The following BRIP1 variants were observed in gnomAD, a reference collection of about 807,000 sequenced individuals.
BRIP1 encodes Fanconi anemia group J protein.
Under a neutral mutation model 119.7 loss-of-function variants are expected in BRIP1, and 88 were observed. The ratio of observed to expected loss-of-function variants is 0.74; its 90% CI spans 0.62 to 0.88. BRIP1 has a LOEUF of 0.88. BRIP1 is among the 40% of genes least tolerant of loss of function. The pLI is 0.00. For missense variants in BRIP1, 1,259 were observed against 1,455.4 expected (o/e 0.87, Z 2.20); for synonymous variants, 443 against 496.5 (o/e 0.89, Z 1.43).
Position 61,841,356 on chromosome 17 carries a change from C to CAA in BRIP1, c.627+5743_627+5744dup, listed in dbSNP as rs539506761. Among the ~76,000 whole-genome samples, 1 of 131,172 alleles carries CAA rather than the reference C, an allele frequency of 7.6e-6. No homozygotes were observed. Among genetic ancestry groups the CAA allele is most frequent in the Non-Finnish European group, 1.7e-5 (1 of 60,288 alleles). 86.1% of individuals were successfully genotyped at this position (131,172 alleles called of 152,430 possible). A position where few individuals can be genotyped will look rare whatever the true frequency, so the allele number is the denominator to read the frequency against. On this transcript the variant is annotated intron_variant, in intron 6 of 19. Coordinates refer to ENST00000259008, the MANE Select transcript of BRIP1 (RefSeq NM_032043.3). This position sits in a 1 kb window ranked among gnomAD's most constrained non-coding sequence, Gnocchi z 4.1. ...CCAGAATATACAAGGAACTCAACAGCAAAAAAAAAAAAATCTGATTTTAAA... is the reference window on the plus strand; with the variant it reads ...CCAGAATATACAAGGAACTCAACAGCAAAAAAAAAAAAAAATCTGATTTTAAA...
At position 61,681,750 on chromosome 17, in the gene BRIP1, G is replaced by A. The variant is rs1316545132; in HGVS notation, c.*1546C>T. 5.1e-6 allele frequency: 1 copy of A among 196,814 alleles called. No individual in the cohort carries two copies. Among genetic ancestry groups the A allele is most frequent in the Non-Finnish European group, 1.1e-5 (1 of 94,978 alleles). The allele number at this position is 196,814 out of a possible 1,614,324, so 12.2% of individuals were successfully genotyped here. On this transcript the variant is annotated 3_prime_UTR_variant, in exon 20 of 20. Coordinates refer to ENST00000259008, the MANE Select transcript of BRIP1 (RefSeq NM_032043.3). This position sits in a 1 kb window ranked among gnomAD's most constrained non-coding sequence, Gnocchi z 5.1. ...GTCAATTTAAATGTCTTTGAACTAC[G>A]CTTAGAGTTGTAACATCAAATGCTA...
rs2061906255 is a variant in BRIP1, at chr17:61,717,844, C to G, written c.2380-1781G>C. Among the ~76,000 whole-genome samples the G allele has an allele frequency of 6.6e-6, 1 of 151,866 alleles. No individual in the cohort carries two copies. The highest frequency in any genetic ancestry group is 2.4e-5 in the African/African-American group (1 of 41,374). On this transcript the variant is annotated intron_variant, in intron 16 of 19. Transcript: ENST00000259008. The surrounding 1 kb of genome is among the most constrained non-coding windows in gnomAD (Gnocchi z 4.1). ...TTATATTACTCCACATGTCACTGAC[C>G]CTCTTTTTTTTCACTCTACACTTCA...
Position 61,794,453 on chromosome 17 carries a change from G to T in BRIP1, c.1341-724C>A, listed in dbSNP as rs988744106. Among the ~76,000 whole-genome samples, 1 of 151,968 alleles carries T rather than the reference G, an allele frequency of 6.6e-6. No individual in the cohort carries two copies. The highest frequency in any genetic ancestry group is 6.6e-5 in the Admixed American group (1 of 15,236). On this transcript the variant is annotated intron_variant, in intron 9 of 19. Coordinates refer to ENST00000259008, the MANE Select transcript of BRIP1 (RefSeq NM_032043.3). This position sits in a 1 kb window ranked among gnomAD's most constrained non-coding sequence, Gnocchi z 4.3. The stretch of plus-strand genomic sequence containing the variant: ...AACTAATGCAGGAACAGAAAATACT[G>T]CATGTTCTCACTTATAAGTGAGAGC...
rs2078049755 is a variant in BRIP1 at position 61,804,877 on chromosome 17, C to T, written c.919-3403G>A. Reference sequence around the variant, plus strand: ...TTACTGGAAATAAAAGATTTCATTACAGGCTGAGCGCACTGGCTCATGCTT... The same window carrying T: ...TTACTGGAAATAAAAGATTTCATTATAGGCTGAGCGCACTGGCTCATGCTT... On this transcript the variant is annotated intron_variant, in intron 7 of 19. Transcript: ENST00000259008. This position sits in a 1 kb window ranked among gnomAD's most constrained non-coding sequence, Gnocchi z 4.5. 1.3e-5 allele frequency among the ~76,000 whole-genome samples: 2 copies of T among 151,690 alleles called. No homozygotes were observed. The highest frequency in any genetic ancestry group is 2.1e-4 in the South Asian group (1 of 4,818).
At chr17:61,784,033 G>C in intron 11 of BRIP1, 1 of 406,424 alleles carries the variant, frequency 2.5e-6, no homozygotes, top group Non-Finnish European at 4.5e-6. Context: ...AGTGAGCTGT[G>C]ATCATGCAAC....
chr17:61,711,114 A>C (rs377076080), intron 17 of BRIP1, among the ~76,000 whole-genome samples: 15 of 152,208 alleles, frequency 9.9e-5, no homozygotes, highest in African/African-American at 3.4e-4. Context: ...ATCAAGTAGC[A>C]ACATGCATTG....
chr17:61,711,457 C>T (rs918285017), intron 17 of BRIP1, among the ~76,000 whole-genome samples: 1 of 152,098 alleles, frequency 6.6e-6, no homozygotes, highest in African/African-American at 2.4e-5. Flanking sequence ...TTCAGTGCAA[C>T]TTGATTCCAA....
rs577414161 is a variant in BRIP1 at position 61,834,272 on chromosome 17, G to A, written c.627+12829C>T. 1.3e-5 allele frequency among the ~76,000 whole-genome samples: 2 copies of A among 152,108 alleles called. No individual in the cohort carries two copies. Among genetic ancestry groups the A allele is most frequent in the East Asian group, 3.9e-4 (2 of 5,170 alleles). ...TATATGTAATATATGTGTAATATATGTCATATATACTACATAACAAATATA... is the reference window on the plus strand; with the variant it reads ...TATATGTAATATATGTGTAATATATATCATATATACTACATAACAAATATA... On this transcript the variant is annotated intron_variant, in intron 6 of 19. Transcript: ENST00000259008. This position sits in a 1 kb window ranked among gnomAD's most constrained non-coding sequence, Gnocchi z 4.4.
chr17:61,809,616 G>A lies in BRIP1; in HGVS notation c.628-859C>T, dbSNP rs1420227772. ...TAATGCTATATATTAGAACTCACAG[G>A]TTCTTAATAACTACTTCCTTCTAAG... On this transcript the variant is annotated intron_variant, in intron 6 of 19. Coordinates refer to ENST00000259008, the MANE Select transcript of BRIP1 (RefSeq NM_032043.3). This position sits in a 1 kb window ranked among gnomAD's most constrained non-coding sequence, Gnocchi z 5.2. Among the ~76,000 whole-genome samples the A allele has an allele frequency of 1.3e-5, 2 of 151,940 alleles. No individual in the cohort carries two copies. The highest frequency in any genetic ancestry group is 1.9e-4 in the East Asian group (1 of 5,188).
chr17:61,681,739 C>A lies in BRIP1; in HGVS notation c.*1557G>T, dbSNP rs1447200370. 1.0e-5 allele frequency: 2 copies of A among 197,500 alleles called. No individual in the cohort carries two copies. The allele number at this position is 197,500 out of a possible 1,614,324, so 12.2% of individuals were successfully genotyped here. A position where few individuals can be genotyped will look rare whatever the true frequency, so the allele number is the denominator to read the frequency against. On this transcript the variant is annotated 3_prime_UTR_variant, in exon 20 of 20. Coordinates refer to ENST00000259008, the MANE Select transcript of BRIP1 (RefSeq NM_032043.3). The surrounding 1 kb of genome is among the most constrained non-coding windows in gnomAD (Gnocchi z 5.1). ...ACTGGTAACTTGTCAATTTAAATGTCTTTGAACTACGCTTAGAGTTGTAAC... is the reference window on the plus strand; with the variant it reads ...ACTGGTAACTTGTCAATTTAAATGTATTTGAACTACGCTTAGAGTTGTAAC...
intron 10 of BRIP1, among the ~76,000 whole-genome samples, chr17:61,786,269 CATT>C (rs1300690495): frequency 5.3e-5 from 8 of 151,858 alleles, no homozygotes; most frequent in Admixed American, 5.3e-4. Context: ...GCTAAATCAT[CATT>C]ATACTTAACA....
rs189617567 is a variant in BRIP1 at position 61,853,724 on chromosome 17, C to T, written c.379+3334G>A. ...AAAATGAACTTGAATCCATACCTTACACCATATACACATATTAACTCAAAA... is the reference window on the plus strand; with the variant it reads ...AAAATGAACTTGAATCCATACCTTATACCATATACACATATTAACTCAAAA... On this transcript the variant is annotated intron_variant, in intron 4 of 19. Coordinates refer to ENST00000259008, the MANE Select transcript of BRIP1 (RefSeq NM_032043.3). This position sits in a 1 kb window ranked among gnomAD's most constrained non-coding sequence, Gnocchi z 4.3. Among the ~76,000 whole-genome samples, 7 of 152,264 alleles carry T rather than the reference C, an allele frequency of 4.6e-5. No homozygotes were observed. The East Asian group carries it at 1.3e-3, about 29-fold the overall frequency.
Position 61,834,482 on chromosome 17 carries a change from T to C in BRIP1, c.627+12619A>G, listed in dbSNP as rs2078541753. Reference sequence around the variant, plus strand: ...ATACTCAGTTGATACTGGGTATATATGTAATATATACTACGTAACAAAAAT... The same window carrying C: ...ATACTCAGTTGATACTGGGTATATACGTAATATATACTACGTAACAAAAAT... On this transcript the variant is annotated intron_variant, in intron 6 of 19. Transcript: ENST00000259008. The surrounding 1 kb of genome is among the most constrained non-coding windows in gnomAD (Gnocchi z 4.4). Among the ~76,000 whole-genome samples the C allele has an allele frequency of 6.6e-6, 1 of 152,160 alleles. No homozygotes were observed. Among genetic ancestry groups the C allele is most frequent in the East Asian group, 1.9e-4 (1 of 5,190 alleles).
chr17:61,731,981 CTTTTTTTTTTT>C (rs71299809), intron 16 of BRIP1, among the ~76,000 whole-genome samples: 1 of 83,008 alleles, frequency 1.2e-5, no homozygotes, highest in South Asian at 5.1e-4. Flanking sequence ...TTCTTTCTTT[CTTTTTTTTTTT>C]TTTTTTTTTT....
rs767666616 is a variant in BRIP1 at position 61,715,971 on chromosome 17, G to A, written c.2472C>T (p.Ala824=). 5.0e-6 allele frequency: 8 copies of A among 1,604,412 alleles called. 1 individual carries two copies. The South Asian group carries it at 8.9e-5, about 18-fold the overall frequency. ...RQWYEIQAYR[A]LNQALGRCIR... is the part of the protein sequence containing the mutation. ...CTTACCTACCAAGGGCCTGGTTTAA[G>A]GCCCTGTATGCTTGAATTTCATACC... Residue 824 remains alanine, a synonymous_variant, in exon 17 of 20, where the codon GCC becomes GCT. Coordinates refer to ENST00000259008, the MANE Select transcript of BRIP1 (RefSeq NM_032043.3).
intron 17 of BRIP1, among the ~76,000 whole-genome samples, chr17:61,697,172 C>T (rs1325005051): frequency 6.7e-6 from 1 of 150,168 alleles, no homozygotes; most frequent in African/African-American, 2.4e-5. Context: ...AGTGAAACCC[C>T]GTCTCTTCTA....
Position 61,804,410 on chromosome 17 carries a change from ATGTGTGTGTGTGTG to A in BRIP1, c.919-2950_919-2937del, listed in dbSNP as rs71153405. ...AAGACTTTGAGGCAGCTATATACAT[ATGTGTGTGTGTGTG>A]TGTGTGTGTGTGTGTGTGTGTGTAT... is the stretch of plus-strand genomic sequence containing the variant. On this transcript the variant is annotated intron_variant, in intron 7 of 19. Coordinates refer to ENST00000259008, the MANE Select transcript of BRIP1 (RefSeq NM_032043.3). The surrounding 1 kb of genome is among the most constrained non-coding windows in gnomAD (Gnocchi z 4.5). Among the ~76,000 whole-genome samples, 446 of 125,430 alleles carry A rather than the reference ATGTGTGTGTGTGTG, an allele frequency of 3.6e-3. 4 individuals carry two copies. The highest frequency in any genetic ancestry group is 0.013 in the African/African-American group (392 of 30,176). 82.3% of individuals were successfully genotyped at this position (125,430 alleles called of 152,430 possible). A position where few individuals can be genotyped will look rare whatever the true frequency, so the allele number is the denominator to read the frequency against.
rs140403439 is a variant in BRIP1 at position 61,725,863 on chromosome 17, A to G, written c.2380-9800T>C. 3.4e-3 allele frequency among the ~76,000 whole-genome samples: 510 copies of G among 152,226 alleles called. 4 individuals are homozygous for G. The highest frequency in any genetic ancestry group is 0.012 in the African/African-American group (482 of 41,548). On this transcript the variant is annotated intron_variant, in intron 16 of 19. Coordinates refer to ENST00000259008, the MANE Select transcript of BRIP1 (RefSeq NM_032043.3). The surrounding 1 kb of genome is among the most constrained non-coding windows in gnomAD (Gnocchi z 5.3). ...GCTGGTCTTGAACTCCTGGCCTCAA[A>G]CAATCCTCCTGTCTTGGCCTCCCAA...
rs2145246123 is a variant in BRIP1 at position 61,793,754 on chromosome 17, T to A, written c.1341-25A>T. On this transcript the variant is annotated intron_variant, in intron 9 of 19. Coordinates refer to ENST00000259008, the MANE Select transcript of BRIP1 (RefSeq NM_032043.3). The surrounding 1 kb of genome is among the most constrained non-coding windows in gnomAD (Gnocchi z 5.2). ...ACTGAAATAAAATAAAACAATTGTGTCAACCAGTATCATCCTTACACACAC... is the reference window on the plus strand; with the variant it reads ...ACTGAAATAAAATAAAACAATTGTGACAACCAGTATCATCCTTACACACAC... 6.2e-7 allele frequency: 1 copy of A among 1,601,452 alleles called. No individual in the cohort carries two copies. The highest frequency in any genetic ancestry group is 8.5e-7 in the Non-Finnish European group (1 of 1,175,888).
Sources: allele counts gnomAD v4.1 joint callset (sites outside exome capture counted in the v4.1 genomes callset), GRCh38; gene constraint gnomAD v4.1.1; non-coding constraint Gnocchi (gnomAD v3.1); transcripts MANE v1.5; gene names NCBI Gene and HGNC (gene_info 2026-07-23, HGNC 2026-07-21).